Variants in C2orf49 observed in about 807,000 individuals in gnomAD.
The protein encoded by C2orf49 is tRNA-splicing ligase complex subunit ASW.
Under a neutral mutation model 20.6 loss-of-function variants are expected in C2orf49, and 11 were observed. The observed-to-expected ratio is 0.53, with a 90% CI of 0.34 to 0.88. C2orf49 has a LOEUF of 0.88. Among genes scored for constraint, C2orf49 ranks in the 40% least tolerant of loss-of-function variants. C2orf49 has a pLI of 0.02. For missense variants in C2orf49, 289 were observed against 274.2 expected, an observed-to-expected ratio of 1.05 and a Z score of -0.38; for synonymous variants, 134 against 108.5, an observed-to-expected ratio of 1.24 and a Z score of -1.46.
the C2orf49 span, among the ~76,000 whole-genome samples, chr2:105,373,247 A>G: frequency 6.6e-6 from 1 of 152,202 alleles, no homozygotes; most frequent in African/African-American, 2.4e-5. Context: ...GAAACTATCT[A>G]TGGTGGTGGG....
chr2:105,359,949 G>C, the C2orf49 span: 1 of 152,168 alleles, frequency 6.6e-6, no homozygotes, highest in Non-Finnish European at 1.5e-5. Context: ...TGGCTTCACT[G>C]TCAGTTTATG....
chr2:105,363,325 C>A, the C2orf49 span: 1 of 1,614,198 alleles, frequency 6.2e-7, no homozygotes, highest in Non-Finnish European at 8.5e-7. Flanking sequence ...TCTTGGCATA[C>A]AAGTCACAGA....
At chr2:105,338,648 A>G (rs777002313) in intron 1 of C2orf49, among the ~76,000 whole-genome samples, 1 of 152,230 alleles carries the variant, frequency 6.6e-6, no homozygotes, top group Non-Finnish European at 1.5e-5. Flanking sequence ...ACGTTGTCCA[A>G]GAGAATCCTG....
At chr2:105,385,477 C>T in the C2orf49 span, among the ~76,000 whole-genome samples, 5 of 152,188 alleles carry the variant, frequency 3.3e-5, no homozygotes, top group Admixed American at 3.3e-4. Context: ...GCAACGAGAG[C>T]AGAAAAGAGA....
At chr2:105,364,448 C>T in the C2orf49 span, among the ~76,000 whole-genome samples, 1 of 152,192 alleles carries the variant, frequency 6.6e-6, no homozygotes, top group African/African-American at 2.4e-5. Context: ...AGCTGGATGC[C>T]TTCATTCTCA....
At chr2:105,344,122 A>G (rs1218302711) in intron 3 of C2orf49, among the ~76,000 whole-genome samples, 4 of 152,146 alleles carry the variant, frequency 2.6e-5, no homozygotes, top group Non-Finnish European at 4.4e-5. Flanking sequence ...CGTTATTCCT[A>G]TTTCACAGAT....
At chr2:105,383,831 C>G in the C2orf49 span, among the ~76,000 whole-genome samples, 1 of 152,178 alleles carries the variant, frequency 6.6e-6, no homozygotes, top group Non-Finnish European at 1.5e-5. Context: ...ATCAAAAGCC[C>G]CAAATGCCAA....
At chr2:105,353,169 C>T (rs1679978573), downstream of C2orf49, among the ~76,000 whole-genome samples, 2 of 152,036 alleles carry the variant, frequency 1.3e-5, no homozygotes, top group South Asian at 4.2e-4. Flanking sequence ...ATAATAACTG[C>T]CCTTGTGATA....
the C2orf49 span, chr2:105,367,565 G>C: frequency 5.6e-6 from 9 of 1,609,500 alleles, no homozygotes; most frequent in Non-Finnish European, 7.6e-6. Flanking sequence ...GGGCATCTGA[G>C]ATACCTTTTT....
the C2orf49 span, chr2:105,359,097 T>A: frequency 6.6e-6 from 1 of 152,220 alleles, no homozygotes; most frequent in Admixed American, 6.5e-5. Context: ...TGGATCGTGC[T>A]CCAGTGTTCT....
Position 105,345,528 on chromosome 2 carries a change from C to T in C2orf49, c.*157C>T. The T allele has an allele frequency of 1.5e-6, 1 of 648,476 alleles. No homozygotes were observed. The highest frequency in any genetic ancestry group is 2.1e-5 in the South Asian group (1 of 48,770). 40.2% of individuals were successfully genotyped at this position (648,476 alleles called of 1,614,324 possible). ...ATAAAGGATTTATTTTCCTTCCCTT[C>T]TTCCCTCCCTCCCTTCCTTTTTTAA... is the stretch of plus-strand genomic sequence containing the variant. On this transcript the variant is annotated 3_prime_UTR_variant, in exon 4 of 4. Transcript: ENST00000258457.
At chr2:105,344,569 T>G (rs1035447286) in intron 3 of C2orf49, among the ~76,000 whole-genome samples, 10 of 151,722 alleles carry the variant, frequency 6.6e-5, no homozygotes, top group African/African-American at 2.4e-4. Context: ...CCCATTGACT[T>G]TGTGTTTTTG....
chr2:105,371,083 C>T, the C2orf49 span, among the ~76,000 whole-genome samples: 1 of 152,110 alleles, frequency 6.6e-6, no homozygotes. Context: ...GTTTTTACTT[C>T]TTATCTGATC....
chr2:105,346,948 A>G lies in C2orf49; in HGVS notation c.*1577A>G, dbSNP rs1450684533. On this transcript the variant is annotated 3_prime_UTR_variant, in exon 4 of 4. Coordinates refer to ENST00000258457, the MANE Select transcript of C2orf49 (RefSeq NM_024093.3). ...AAGGATACTTCATACTTTTTTCGTT[A>G]TATGATTGATCTTCAAATTGGGATT... 1 of 152,146 alleles carries G rather than the reference A, an allele frequency of 6.6e-6. No individual in the cohort carries two copies. The highest frequency in any genetic ancestry group is 1.5e-5 in the Non-Finnish European group (1 of 68,010). The allele number at this position is 152,146 out of a possible 1,614,324, so 9.4% of individuals were successfully genotyped here. A position where few individuals can be genotyped will look rare whatever the true frequency, so the allele number is the denominator to read the frequency against.
the C2orf49 span, among the ~76,000 whole-genome samples, chr2:105,384,596 C>T: frequency 1.6e-3 from 238 of 152,286 alleles, 1 homozygote; most frequent in South Asian, 0.02. Flanking sequence ...TAACTTCTGC[C>T]TCCCAGGTTC....
At position 105,337,666 on chromosome 2, in the gene C2orf49, C is replaced by T; in HGVS notation, c.79C>T (p.Leu27Phe). ...CCCGGAGCTGCTGTCCCAGGAGTTC[C>T]TTCTCCTCACTCTGGAGCAGGTTGG... The part of the protein sequence containing the change: ...LHPELLSQEF[L>F]LLTLEQKNIA... The change falls in exon 1 of 4, where the codon CTT becomes TTT. Residue 27 changes from leucine (L) to phenylalanine (F), a missense_variant. Physicochemically the swap from Leu to Phe is conservative, Grantham distance 22. Coordinates refer to ENST00000258457, the MANE Select transcript of C2orf49 (RefSeq NM_024093.3). The T allele has an allele frequency of 6.8e-7, 1 of 1,461,678 alleles. No individual in the cohort carries two copies. The highest frequency in any genetic ancestry group is 9.2e-7 in the Non-Finnish European group (1 of 1,087,602). 90.5% of individuals were successfully genotyped at this position (1,461,678 alleles called of 1,614,324 possible).
the C2orf49 span, chr2:105,363,004 AG>A: frequency 2.5e-6 from 1 of 392,352 alleles, no homozygotes; most frequent in African/African-American, 2.0e-5. Flanking sequence ...ACAGGCTCAC[AG>A]ACTGCAGTTT....
At position 105,342,735 on chromosome 2, in the gene C2orf49, G is replaced by T. The variant is rs1438130187; in HGVS notation, c.267-113G>T. The stretch of plus-strand genomic sequence containing the variant: ...GAAAATTTCATTTTTAATAGTCTCA[G>T]ATTAGTCTTATCAGAAAATCTTTTT... On this transcript the variant is annotated intron_variant, in intron 2 of 3. Transcript: ENST00000258457. 5 of 1,054,682 alleles carry T rather than the reference G, an allele frequency of 4.7e-6. No individual in the cohort carries two copies. In the African/African-American group the frequency reaches 6.4e-5, roughly 13 times the overall value. The allele number at this position is 1,054,682 out of a possible 1,614,324, so 65.3% of individuals were successfully genotyped here.
chr2:105,366,565 T>C, the C2orf49 span, among the ~76,000 whole-genome samples: 10 of 152,078 alleles, frequency 6.6e-5, no homozygotes, highest in Middle Eastern at 3.2e-3. Context: ...ATAATAAGAA[T>C]TGCGTGTGTC....
Sources: allele counts gnomAD v4.1 joint callset (sites outside exome capture counted in the v4.1 genomes callset), GRCh38; gene constraint gnomAD v4.1.1; transcripts MANE v1.5; gene names NCBI Gene and HGNC (gene_info 2026-07-23, HGNC 2026-07-21).